Variants in TRMT44 observed in about 807,000 individuals in gnomAD.
The protein encoded by TRMT44 is tRNA methyltransferase 44 homolog.
TRMT44 carries 78 observed loss-of-function variants against 77.3 expected under a neutral mutation model. The ratio of observed to expected loss-of-function variants is 1.01; its 90% confidence interval spans 0.84 to 1.22. TRMT44 has a LOEUF of 1.22. TRMT44 is among the 50% of genes most tolerant of loss of function. The pLI is 0.00. For missense variants in TRMT44, 1,090 were observed against 964.4 expected (o/e 1.13, Z -1.73); for synonymous variants, 391 against 383.3 (o/e 1.02, Z -0.23).
At chr4:8,503,437 G>A in the TRMT44 span, among the ~76,000 whole-genome samples, 1 of 152,200 alleles carries the variant, frequency 6.6e-6, no homozygotes, top group Non-Finnish European at 1.5e-5. Context: ...AGGACACTGG[G>A]CTGACAGTGT....
the TRMT44 span, among the ~76,000 whole-genome samples, chr4:8,513,105 G>T: frequency 1.3e-5 from 2 of 152,116 alleles, no homozygotes; most frequent in East Asian, 3.9e-4. Context: ...TAGAGACAGG[G>T]TTTTACCATG....
At chr4:8,506,287 C>T in the TRMT44 span, among the ~76,000 whole-genome samples, 9 of 152,292 alleles carry the variant, frequency 5.9e-5, no homozygotes, top group South Asian at 2.1e-4. Context: ...CTGCTGAGGG[C>T]GCTTGGAGTG....
chr4:8,456,887 T>TA (rs2109122858), intron 6 of TRMT44, among the ~76,000 whole-genome samples: 1 of 152,142 alleles, frequency 6.6e-6, no homozygotes, highest in Non-Finnish European at 1.5e-5. Flanking sequence ...CAGATGCCAT[T>TA]AAGAAAATCA....
downstream of TRMT44, among the ~76,000 whole-genome samples, chr4:8,495,306 T>TA (rs58971094): frequency 0.51 from 76,998 of 152,066 alleles, 19,670 homozygotes; most frequent in South Asian, 0.67. Context: ...TCAGAGAGGT[T>TA]AAGTGACTTG....
chr4:8,468,601 G>C (rs192219340), intron 9 of TRMT44: 2 of 594,772 alleles, frequency 3.4e-6, no homozygotes, highest in Admixed American at 6.0e-5. Context: ...TACCAAACAT[G>C]CAGGTTTAGG....
chr4:8,494,178 C>T (rs1728090143), downstream of TRMT44, among the ~76,000 whole-genome samples: 1 of 151,892 alleles, frequency 6.6e-6, no homozygotes, highest in African/African-American at 2.4e-5. Context: ...AGGCTAACCT[C>T]CCATTCTATT....
At position 8,461,630 on chromosome 4, in the gene TRMT44, G is replaced by A. The variant is rs1056944274; in HGVS notation, c.1204-2355G>A. Among the ~76,000 whole-genome samples, 4 of 152,042 alleles carry A rather than the reference G, an allele frequency of 2.6e-5. No individual in the cohort carries two copies. The highest frequency in any genetic ancestry group is 6.6e-5 in the Admixed American group (1 of 15,264). On this transcript the variant is annotated intron_variant, in intron 6 of 10. Transcript: ENST00000389737. This position sits in a 1 kb window ranked among gnomAD's most constrained non-coding sequence, Gnocchi z 4.6. The stretch of plus-strand genomic sequence containing the variant: ...TCTGACCTGGGGAAGACCCTACCCC[G>A]AGCACTTAGTCAGGAAAGGCCTGCT...
intron 2 of TRMT44, among the ~76,000 whole-genome samples, chr4:8,484,055 G>A (rs1310525363): frequency 6.6e-6 from 1 of 152,220 alleles, no homozygotes; most frequent in Non-Finnish European, 1.5e-5. Context: ...TTCCAGGATG[G>A]AAAGGAAATG....
chr4:8,488,825 C>T lies in TRMT44; in HGVS notation n.3892-4441C>T, dbSNP rs192300861. On this transcript the variant is annotated intron_variant and non_coding_transcript_variant, in intron 2 of 2. Transcript: ENST00000511366. ...AGCTATAGCCCAGGCAAAGGACCTCCTCAGCCAGGAGGACTTAAAAGCTGC... is the reference window on the plus strand; with the variant it reads ...AGCTATAGCCCAGGCAAAGGACCTCTTCAGCCAGGAGGACTTAAAAGCTGC... Among the ~76,000 whole-genome samples, 4 of 152,324 alleles carry T rather than the reference C, an allele frequency of 2.6e-5. No individual in the cohort carries two copies. In the East Asian group the frequency reaches 7.7e-4, roughly 29 times the overall value.
intron 9 of TRMT44, among the ~76,000 whole-genome samples, chr4:8,470,622 C>T (rs1014812194): frequency 2.6e-5 from 4 of 152,216 alleles, no homozygotes; most frequent in South Asian, 2.1e-4. Context: ...CTAGCATGGC[C>T]TTGCTGGCCA....
At chr4:8,491,321 CA>C (rs1727995784) in intron 2 of TRMT44, among the ~76,000 whole-genome samples, 1 of 152,244 alleles carries the variant, frequency 6.6e-6, no homozygotes, top group African/African-American at 2.4e-5. Context: ...ACATCCCCAC[CA>C]GACTCAGGAG....
chr4:8,464,123 C>A, intron 7 of TRMT44, 32 bp downstream of exon 7: 1 of 1,566,294 alleles, frequency 6.4e-7, no homozygotes, highest in Non-Finnish European at 8.8e-7. Context: ...AGGTGAATGG[C>A]TGGGGAATGC....
At chr4:8,511,931 A>T in the TRMT44 span, 1 of 152,264 alleles carries the variant, frequency 6.6e-6, no homozygotes, top group Admixed American at 6.5e-5. Flanking sequence ...AAAGTCGGCC[A>T]GCCTTTCTGG....
At chr4:8,457,013 A>AACCCC (rs1725848541) in intron 6 of TRMT44, among the ~76,000 whole-genome samples, 1 of 37,960 alleles carries the variant, frequency 2.6e-5, no homozygotes. Flanking sequence ...ATAGCAAGAC[A>AACCCC]CCCGCCCCCC....
intron 10 of TRMT44, among the ~76,000 whole-genome samples, chr4:8,474,390 C>CG (rs1168930129): frequency 6.6e-6 from 1 of 152,038 alleles, no homozygotes; most frequent in Non-Finnish European, 1.5e-5. Flanking sequence ...ACCTCAGCTC[C>CG]AATGTTGGGA....
Position 8,458,672 on chromosome 4 carries a change from C to T in TRMT44, c.1203+3859C>T, listed in dbSNP as rs553616231. Among the ~76,000 whole-genome samples, 16 of 151,882 alleles carry T rather than the reference C, an allele frequency of 1.1e-4. 1 individual carries two copies. The South Asian group carries it at 3.1e-3, about 30-fold the overall frequency. On this transcript the variant is annotated intron_variant, in intron 6 of 10. Coordinates refer to ENST00000389737, the MANE Select transcript of TRMT44 (RefSeq NM_152544.3). The stretch of plus-strand genomic sequence containing the variant: ...GTTTCACCATGTTGGCCAGGCTGGT[C>T]TCGAACTCCTGACCTCAAGTGATCC...
At chr4:8,492,770 A>C (rs113124190) in intron 2 of TRMT44, among the ~76,000 whole-genome samples, 2,214 of 152,086 alleles carry the variant, frequency 0.015, 51 homozygotes, top group African/African-American at 0.051. Context: ...CCAATCAGAA[A>C]CTCAAAAGAA....
rs941595981 is a variant in TRMT44 at position 8,444,147 on chromosome 4, C to T, written c.620-2329C>T. On this transcript the variant is annotated intron_variant, in intron 1 of 10. Coordinates refer to ENST00000389737, the MANE Select transcript of TRMT44 (RefSeq NM_152544.3). This position sits in a 1 kb window ranked among gnomAD's most constrained non-coding sequence, Gnocchi z 4.0. ...TCTCATCTAGAACAGAGGTTTCAGT[C>T]GGGGCAGTTTTGATCCTCAGAAGTT... is the stretch of plus-strand genomic sequence containing the variant. Among the ~76,000 whole-genome samples, 4 of 152,002 alleles carry T rather than the reference C, an allele frequency of 2.6e-5. 1 individual carries two copies. Among genetic ancestry groups the T allele is most frequent in the South Asian group, 4.2e-4 (2 of 4,818 alleles).
intron 5 of TRMT44, among the ~76,000 whole-genome samples, 168 bp downstream of exon 5, chr4:8,453,157 G>C (rs1560224690): frequency 6.6e-6 from 1 of 152,194 alleles, no homozygotes; most frequent in Non-Finnish European, 1.5e-5. Context: ...TAAACAAACA[G>C]CTCCTAAAAC....
Sources: gnomAD v4.1 joint callset for allele counts (sites outside exome capture counted in the v4.1 genomes callset) on GRCh38, gnomAD v4.1.1 for gene constraint, Gnocchi (gnomAD v3.1) non-coding constraint, MANE v1.5 for transcripts, NCBI Gene and HGNC (gene_info 2026-07-23, HGNC 2026-07-21) for gene names.